Variants in RANBP2 observed in about 807,000 individuals in gnomAD.
RANBP2 encodes E3 SUMO-protein ligase RanBP2.
Under a neutral mutation model 303.6 loss-of-function variants are expected in RANBP2, and 57 were observed. The ratio of observed to expected loss-of-function variants is 0.19; its 90% CI spans 0.15 to 0.23. RANBP2 has a LOEUF of 0.23. Among genes scored for constraint, RANBP2 ranks in the 10% least tolerant of loss-of-function variants. RANBP2 has a pLI of 1.00. For synonymous variants in RANBP2, 1,167 were observed against 1,301.5 expected (o/e 0.90, Z 2.23); for missense variants, 3,138 against 3,780.8 (o/e 0.83, Z 4.46).
At chr2:109,344,912 G>A in the RANBP2 span, among the ~76,000 whole-genome samples, 2 of 152,174 alleles carry the variant, frequency 1.3e-5, no homozygotes, top group African/African-American at 2.4e-5. Context: ...ATGATCAGAG[G>A]GGACATCACA....
At chr2:108,909,137 A>AT in the RANBP2 span, among the ~76,000 whole-genome samples, 4 of 152,114 alleles carry the variant, frequency 2.6e-5, no homozygotes, top group African/African-American at 9.7e-5. Context: ...AGCAGTATAT[A>AT]TTTTTTCCTA....
chr2:109,196,745 C>T, the RANBP2 span, among the ~76,000 whole-genome samples: 4 of 152,164 alleles, frequency 2.6e-5, no homozygotes, highest in African/African-American at 9.7e-5. Flanking sequence ...CACCACATGC[C>T]CCGTGGCCTT....
chr2:109,204,027 T>C, the RANBP2 span, among the ~76,000 whole-genome samples: 1 of 152,162 alleles, frequency 6.6e-6, no homozygotes, highest in Non-Finnish European at 1.5e-5. Context: ...GTAGTTTATA[T>C]CTTTGAGACG....
At chr2:109,605,515 A>G in the RANBP2 span, 2 of 152,194 alleles carry the variant, frequency 1.3e-5, no homozygotes, top group African/African-American at 4.8e-5. Context: ...TTGAATAACA[A>G]AGTTAATTCA....
the RANBP2 span, among the ~76,000 whole-genome samples, chr2:109,008,257 G>C: frequency 6.6e-6 from 1 of 152,112 alleles, no homozygotes; most frequent in Non-Finnish European, 1.5e-5. Flanking sequence ...GGATAGATCT[G>C]AGCCCCCAGA....
chr2:109,732,528 G>A, the RANBP2 span, among the ~76,000 whole-genome samples: 1 of 151,254 alleles, frequency 6.6e-6, no homozygotes, highest in Admixed American at 6.6e-5. Context: ...CCCCAGGCTG[G>A]AGTGCAATGG....
the RANBP2 span, among the ~76,000 whole-genome samples, chr2:108,877,727 T>A: frequency 6.6e-6 from 1 of 152,184 alleles, no homozygotes; most frequent in Non-Finnish European, 1.5e-5. Flanking sequence ...AGAAATATAG[T>A]TGAATAAAGA....
At chr2:109,363,164 T>C in the RANBP2 span, among the ~76,000 whole-genome samples, 2 of 152,120 alleles carry the variant, frequency 1.3e-5, no homozygotes, top group South Asian at 2.1e-4. Flanking sequence ...TTTCGGTCTT[T>C]TGTGGTTTTT....
the RANBP2 span, among the ~76,000 whole-genome samples, chr2:109,591,240 T>C: frequency 6.6e-6 from 1 of 152,218 alleles, no homozygotes; most frequent in South Asian, 2.1e-4. Context: ...TGTTATCTGA[T>C]AGGCATATGC....
the RANBP2 span, among the ~76,000 whole-genome samples, chr2:109,219,495 GA>G: frequency 1.7e-4 from 25 of 147,338 alleles, no homozygotes; most frequent in South Asian, 1.1e-3. Flanking sequence ...TTCCAAATTG[GA>G]AAAAAAAAAG....
the RANBP2 span, among the ~76,000 whole-genome samples, chr2:109,006,066 C>A: frequency 6.6e-6 from 1 of 152,152 alleles, no homozygotes; most frequent in Non-Finnish European, 1.5e-5. Flanking sequence ...ATTGGCCCAC[C>A]GGCAGTCACG....
the RANBP2 span, among the ~76,000 whole-genome samples, chr2:109,662,352 T>C: frequency 1.3e-5 from 2 of 152,138 alleles, no homozygotes; most frequent in Admixed American, 6.5e-5. Context: ...AGTGGCGCGA[T>C]CTTGGCTCAC....
At chr2:109,511,028 A>G in the RANBP2 span, among the ~76,000 whole-genome samples, 2 of 152,204 alleles carry the variant, frequency 1.3e-5, no homozygotes, top group Admixed American at 6.5e-5. Context: ...CATCAGGCTT[A>G]TGAAGTAGGA....
intron 20 of RANBP2, among the ~76,000 whole-genome samples, chr2:108,770,203 G>GA (rs1677401021): frequency 6.6e-6 from 1 of 152,166 alleles, no homozygotes; most frequent in African/African-American, 2.4e-5. Context: ...AGGGACCTTA[G>GA]AAATGAAGAC....
At chr2:109,565,777 C>G in the RANBP2 span, 1 of 1,613,900 alleles carries the variant, frequency 6.2e-7, no homozygotes, top group South Asian at 1.1e-5. Flanking sequence ...TACAACACCC[C>G]AAGGGTACTG....
At chr2:109,586,589 C>T in the RANBP2 span, among the ~76,000 whole-genome samples, 1 of 152,190 alleles carries the variant, frequency 6.6e-6, no homozygotes, top group African/African-American at 2.4e-5. Context: ...CCACTCAAAT[C>T]CATGGCTGAT....
the RANBP2 span, among the ~76,000 whole-genome samples, chr2:109,551,972 CATGGCCT>C: frequency 6.6e-6 from 1 of 152,158 alleles, no homozygotes; most frequent in Non-Finnish European, 1.5e-5. Flanking sequence ...AGTACTGGTC[CATGGCCT>C]GTTAGGAACT....
In RANBP2 at chr2:108,764,340, T is replaced by C. The variant is rs1473597646; in HGVS notation, c.3801T>C (p.His1267=). The change falls in exon 20 of 29, where the codon CAT becomes CAC. Residue 1267 remains histidine (H), a synonymous_variant. Transcript: ENST00000283195. ...NAGSDRSFVW[H]ALDYADELPK... is the part of the protein sequence containing the mutation. Reference sequence around the variant, plus strand: ...GATCAGACAGATCTTTTGTATGGCATGCCCTTGATTATGCAGATGAGTTGC... The same window carrying C: ...GATCAGACAGATCTTTTGTATGGCACGCCCTTGATTATGCAGATGAGTTGC... 6.2e-7 allele frequency: 1 copy of C among 1,613,840 alleles called. No homozygotes were observed.
At chr2:109,686,796 A>G in the RANBP2 span, among the ~76,000 whole-genome samples, 1 of 151,958 alleles carries the variant, frequency 6.6e-6, no homozygotes, top group Non-Finnish European at 1.5e-5. Context: ...TATTTTTTGT[A>G]GAGATGGGGT....
Sources: allele counts gnomAD v4.1 joint callset (sites outside exome capture counted in the v4.1 genomes callset), GRCh38; gene constraint gnomAD v4.1.1; transcripts MANE v1.5; gene names NCBI Gene and HGNC (gene_info 2026-07-23, HGNC 2026-07-21).